Variants in MECOM observed in about 807,000 individuals in gnomAD.
MECOM encodes the protein histone-lysine N-methyltransferase MECOM.
A neutral mutation model predicts 116.3 loss-of-function variants in MECOM; 13 were observed. That is an observed-to-expected ratio of 0.11 (90% CI 0.07 to 0.18). The LOEUF (loss-of-function observed/expected upper bound fraction) is 0.18, where lower values mean the gene tolerates loss of function less well. Among genes scored for constraint, MECOM ranks in the 10% least tolerant of loss-of-function variants. The pLI is 1.00. For missense variants in MECOM, 1,299 were observed against 1,509.0 expected (o/e 0.86, Z 2.31); for synonymous variants, 528 against 535.2 (o/e 0.99, Z 0.19).
intron 10 of MECOM, among the ~76,000 whole-genome samples, chr3:169,105,106 A>G (rs1724923780): frequency 6.6e-6 from 1 of 152,098 alleles, no homozygotes; most frequent in African/African-American, 2.4e-5. Context: ...CGTACACAAA[A>G]CATTTTCTGC....
At chr3:169,264,562 G>T (rs1417845441) in intron 2 of MECOM, among the ~76,000 whole-genome samples, 1 of 152,104 alleles carries the variant, frequency 6.6e-6, no homozygotes, top group Non-Finnish European at 1.5e-5. Flanking sequence ...AAGGAAGGGA[G>T]CCTTAGAATT....
intron 2 of MECOM, among the ~76,000 whole-genome samples, chr3:169,304,515 C>T (rs1426536898): frequency 6.6e-6 from 1 of 152,094 alleles, no homozygotes; most frequent in African/African-American, 2.4e-5. Context: ...GGACCCTAGG[C>T]CACATTTATA....
chr3:169,485,843 G>C (rs1383569666), intron 1 of MECOM, among the ~76,000 whole-genome samples: 1 of 135,310 alleles, frequency 7.4e-6, no homozygotes, highest in Admixed American at 7.8e-5. Context: ...ATATATGTGT[G>C]TGTGTGTATA....
intron 2 of MECOM, among the ~76,000 whole-genome samples, chr3:169,316,265 G>A (rs193218117): frequency 1.2e-3 from 182 of 152,300 alleles, no homozygotes; most frequent in African/African-American, 4.0e-3. Context: ...CAGAAACAAC[G>A]CAGAAGAATT....
At chr3:169,545,710 A>C (rs1760644240) in intron 1 of MECOM, among the ~76,000 whole-genome samples, 1 of 152,098 alleles carries the variant, frequency 6.6e-6, no homozygotes, top group South Asian at 2.1e-4. Context: ...CATGAGTGCC[A>C]CTCTGCCTGA....
intron 2 of MECOM, among the ~76,000 whole-genome samples, chr3:169,376,436 T>A (rs1365155328): frequency 6.6e-6 from 1 of 152,170 alleles, no homozygotes; most frequent in East Asian, 1.9e-4. Context: ...AATTCCATCG[T>A]CTAAGCCCAA....
chr3:169,557,843 C>T (rs1762209781), intron 1 of MECOM, among the ~76,000 whole-genome samples: 1 of 152,180 alleles, frequency 6.6e-6, no homozygotes, highest in Admixed American at 6.5e-5. Flanking sequence ...AACCATCATG[C>T]AGCTTCTAGG....
chr3:169,322,780 C>T (rs1249369229), intron 2 of MECOM, among the ~76,000 whole-genome samples: 4 of 151,810 alleles, frequency 2.6e-5, no homozygotes, highest in Non-Finnish European at 5.9e-5. Context: ...GGCATATCAC[C>T]TGAGGTCAGG....
At chr3:169,219,761 A>G (rs1232486968) in intron 2 of MECOM, among the ~76,000 whole-genome samples, 4 of 150,078 alleles carry the variant, frequency 2.7e-5, no homozygotes, top group African/African-American at 4.9e-5. Flanking sequence ...GTGTGTATAT[A>G]TATAATGGTA....
intron 2 of MECOM, among the ~76,000 whole-genome samples, chr3:169,315,613 C>T (rs914608274): frequency 5.3e-5 from 8 of 152,140 alleles, no homozygotes; most frequent in Admixed American, 5.2e-4. Flanking sequence ...ATAATAAATT[C>T]ATGGCCATAT....
chr3:169,477,348 G>A (rs1482868304), intron 1 of MECOM, among the ~76,000 whole-genome samples: 2 of 151,466 alleles, frequency 1.3e-5, no homozygotes, highest in African/African-American at 2.4e-5. Flanking sequence ...ATTCTCCCAT[G>A]GGCAAAGAAT....
At chr3:169,233,303 G>A (rs1483205091) in intron 2 of MECOM, among the ~76,000 whole-genome samples, 7 of 152,046 alleles carry the variant, frequency 4.6e-5, no homozygotes, top group East Asian at 3.9e-4. Context: ...CCAAATTGTG[G>A]CAATCTGGGT....
chr3:169,334,793 C>A (rs1723326895), intron 2 of MECOM, among the ~76,000 whole-genome samples: 1 of 152,084 alleles, frequency 6.6e-6, no homozygotes, highest in African/African-American at 2.4e-5. Context: ...GCCAGTGGCC[C>A]ACCAAAGGTG....
chr3:169,497,938 G>T (rs948214377), intron 1 of MECOM, among the ~76,000 whole-genome samples: 1 of 152,166 alleles, frequency 6.6e-6, no homozygotes, highest in Non-Finnish European at 1.5e-5. Context: ...TGTGGCCTCA[G>T]AAATGTGTGA....
At chr3:169,235,592 A>C (rs1382407011) in intron 2 of MECOM, among the ~76,000 whole-genome samples, 1 of 152,148 alleles carries the variant, frequency 6.6e-6, no homozygotes, top group Non-Finnish European at 1.5e-5. Context: ...AAAAATAACC[A>C]AATAAATGAT....
chr3:169,389,111 A>G (rs1733844882), intron 1 of MECOM, among the ~76,000 whole-genome samples: 1 of 152,212 alleles, frequency 6.6e-6, no homozygotes, highest in African/African-American at 2.4e-5. Context: ...CCACTCCTCT[A>G]GGAATTTCAC....
At chr3:169,220,628 C>A (rs1180244367) in intron 2 of MECOM, among the ~76,000 whole-genome samples, 1 of 152,094 alleles carries the variant, frequency 6.6e-6, no homozygotes, top group Non-Finnish European at 1.5e-5. Flanking sequence ...GTGCCCACCA[C>A]CACGCCCAGC....
At chr3:169,099,019 T>C (rs1444400220) in intron 12 of MECOM, among the ~76,000 whole-genome samples, 1 of 152,064 alleles carries the variant, frequency 6.6e-6, no homozygotes, top group Non-Finnish European at 1.5e-5. Flanking sequence ...AACATTCAAT[T>C]GATCTTCCCT....
chr3:169,125,222 CTGTT>C (rs1365124343), intron 5 of MECOM, among the ~76,000 whole-genome samples: 1 of 152,000 alleles, frequency 6.6e-6, no homozygotes, highest in East Asian at 1.9e-4. Flanking sequence ...ATGTAATCCT[CTGTT>C]TGTTACAGAG....
Sources: gnomAD v4.1 joint callset for allele counts (sites outside exome capture counted in the v4.1 genomes callset) on GRCh38, gnomAD v4.1.1 for gene constraint, MANE v1.5 for transcripts, NCBI Gene and HGNC (gene_info 2026-07-23, HGNC 2026-07-21) for gene names.